MTHFD2L: variants seen among roughly 807,000 people sequenced by gnomAD.
MTHFD2L encodes methylenetetrahydrofolate dehydrogenase (NADP+ dependent) 2 like, also known as bifunctional methylenetetrahydrofolate dehydrogenase/cyclohydrolase 2, mitochondrial.
In MTHFD2L, 29 loss-of-function variants were observed where a neutral mutation model predicts 34.9. The ratio of observed to expected loss-of-function variants is 0.83; its 90% CI spans 0.62 to 1.13. The LOEUF is 1.13. MTHFD2L is among the 50% of genes most tolerant of loss of function. MTHFD2L has a pLI of 0.00. For missense variants in MTHFD2L, 481 were observed against 446.5 expected, an observed-to-expected ratio of 1.08 and a Z score of -0.70; for synonymous variants, 167 against 155.7, an observed-to-expected ratio of 1.07 and a Z score of -0.54.
intron 5 of MTHFD2L, among the ~76,000 whole-genome samples, chr4:74,217,521 T>G (rs941261747): frequency 6.6e-6 from 1 of 151,818 alleles, no homozygotes. Flanking sequence ...ATTTCTCCTT[T>G]AAACCACACC....
chr4:74,245,240 T>A (rs2110181116), intron 6 of MTHFD2L, among the ~76,000 whole-genome samples: 1 of 150,752 alleles, frequency 6.6e-6, no homozygotes, highest in African/African-American at 2.4e-5. Context: ...GTCTTTCTGT[T>A]AGGTTGGACC....
intron 1 of MTHFD2L, among the ~76,000 whole-genome samples, chr4:74,145,823 C>A (rs562480807): frequency 1.3e-5 from 2 of 152,246 alleles, no homozygotes; most frequent in African/African-American, 2.4e-5. Context: ...TGAAAGTTTG[C>A]AGCACCTTTT....
chr4:74,295,819 C>T lies in MTHFD2L; in HGVS notation c.932-5878C>T, dbSNP rs1311211365. Among the ~76,000 whole-genome samples the T allele has an allele frequency of 7.2e-5, 11 of 152,004 alleles. 1 individual carries two copies. Among genetic ancestry groups the T allele is most frequent in the East Asian group, 1.9e-4 (1 of 5,184 alleles). ...TTTCTACCTGAGGGAAGCTTCTTGCCACCTTTATCACATTGTCTCCCCTAC... is the reference window on the plus strand; with the variant it reads ...TTTCTACCTGAGGGAAGCTTCTTGCTACCTTTATCACATTGTCTCCCCTAC... On this transcript the variant is annotated intron_variant, in intron 7 of 7. Coordinates refer to ENST00000325278, the MANE Select transcript of MTHFD2L (RefSeq NM_001144978.3).
At chr4:74,248,317 A>G (rs997204852) in intron 6 of MTHFD2L, among the ~76,000 whole-genome samples, 4 of 152,136 alleles carry the variant, frequency 2.6e-5, no homozygotes, top group African/African-American at 7.2e-5. Flanking sequence ...CTGTGGGATC[A>G]GTGGTGATAT....
chr4:74,232,301 C>G (rs1371297631), intron 6 of MTHFD2L, among the ~76,000 whole-genome samples: 1 of 152,062 alleles, frequency 6.6e-6, no homozygotes, highest in South Asian at 2.1e-4. Flanking sequence ...TTATGTTGTT[C>G]CCTGGATGAA....
In MTHFD2L at chr4:74,201,129, CATATT is replaced by C. The variant is rs371918874; in HGVS notation, c.605-130_605-126del. 1,727 of 594,742 alleles carry C rather than the reference CATATT, an allele frequency of 2.9e-3. 28 individuals are homozygous for C. In the African/African-American group the frequency reaches 0.029, roughly 10 times the overall value. The allele number at this position is 594,742 out of a possible 1,614,324, so 36.8% of individuals were successfully genotyped here. On this transcript the variant is annotated intron_variant, in intron 4 of 7. Transcript: ENST00000325278. ...ATTATTTATAAATAATGAATGTGCT[CATATT>C]ATAGATAAGCCACATAATAATTCAG...
intron 7 of MTHFD2L, among the ~76,000 whole-genome samples, chr4:74,293,048 G>A (rs1241935722): frequency 6.6e-6 from 1 of 151,476 alleles, no homozygotes; most frequent in East Asian, 1.9e-4. Flanking sequence ...TTTTGAATAG[G>A]TTTTTAAATT....
chr4:74,241,669 C>A, intron 6 of MTHFD2L: 1 of 382,902 alleles, frequency 2.6e-6, no homozygotes, highest in Non-Finnish European at 5.2e-6. Flanking sequence ...TGAGCCACCA[C>A]ACCCGGCACT....
At chr4:74,200,003 G>T (rs919191107) in intron 4 of MTHFD2L, 57 bp downstream of exon 4, 11 of 1,553,356 alleles carry the variant, frequency 7.1e-6, no homozygotes, top group African/African-American at 1.4e-5. Flanking sequence ...GAGCCTTTGT[G>T]CACTGAGACT....
At chr4:74,242,854 A>G (rs1246594) in intron 6 of MTHFD2L, among the ~76,000 whole-genome samples, 29,674 of 152,166 alleles carry the variant, frequency 0.2, 2,918 homozygotes, top group Non-Finnish European at 0.21. Flanking sequence ...GAAAGGGCAT[A>G]TTTAAAGAAA....
intron 5 of MTHFD2L, among the ~76,000 whole-genome samples, chr4:74,217,617 A>T (rs892807022): frequency 6.6e-6 from 1 of 151,736 alleles, no homozygotes; most frequent in South Asian, 2.1e-4. Context: ...GTGAGGTTCT[A>T]GCTCAGATTG....
chr4:74,153,835 C>T (rs1175792956), upstream of MTHFD2L, among the ~76,000 whole-genome samples: 5 of 152,146 alleles, frequency 3.3e-5, no homozygotes, highest in African/African-American at 1.2e-4. Context: ...ATATGTCACA[C>T]ATCTAGTTTT....
chr4:74,288,031 C>T (rs1748415194), intron 7 of MTHFD2L, among the ~76,000 whole-genome samples: 2 of 152,192 alleles, frequency 1.3e-5, no homozygotes, highest in African/African-American at 4.8e-5. Context: ...CCTGTGTCTT[C>T]TCATTGTCTT....
At position 74,125,750 on chromosome 4, in the gene MTHFD2L, T is replaced by G. The variant is rs144027161; in HGVS notation, c.-297+233T>G. Among the ~76,000 whole-genome samples the G allele has an allele frequency of 1.8e-3, 276 of 152,116 alleles. 1 individual carries two copies. Among genetic ancestry groups the G allele is most frequent in the African/African-American group, 6.6e-3 (272 of 41,498 alleles). On this transcript the variant is annotated intron_variant, in intron 1 of 7. Coordinates refer to the MTHFD2L transcript ENST00000433372. ...GAGCAATATAGCAAACCTCAAAGAGTATTGATTTCTCAAAACAAAAGCATA... is the reference window on the plus strand; with the variant it reads ...GAGCAATATAGCAAACCTCAAAGAGGATTGATTTCTCAAAACAAAAGCATA...
intron 5 of MTHFD2L, among the ~76,000 whole-genome samples, chr4:74,213,852 A>C (rs1736746518): frequency 6.6e-6 from 1 of 152,106 alleles, no homozygotes; most frequent in African/African-American, 2.4e-5. Context: ...CCAGTCAAAC[A>C]TAGGTTTTGG....
rs186723889 is a variant in MTHFD2L at position 74,247,662 on chromosome 4, C to A, written c.805+22268C>A. Among the ~76,000 whole-genome samples, 390 of 152,196 alleles carry A rather than the reference C, an allele frequency of 2.6e-3. 1 individual carries two copies. Among genetic ancestry groups the A allele is most frequent in the African/African-American group, 8.9e-3 (371 of 41,526 alleles). On this transcript the variant is annotated intron_variant, in intron 6 of 7. Transcript: ENST00000325278. ...ATTTTGAGATACGTCCCATCAATACCTAATTTATTGAGAGTTTTTAGCATG... is the reference window on the plus strand; with the variant it reads ...ATTTTGAGATACGTCCCATCAATACATAATTTATTGAGAGTTTTTAGCATG...
chr4:74,233,442 G>A (rs141778771), intron 6 of MTHFD2L, among the ~76,000 whole-genome samples: 2,637 of 152,160 alleles, frequency 0.017, 38 homozygotes, highest in Non-Finnish European at 0.026. Context: ...AGTAATACTA[G>A]TGTTTATAAA....
intron 1 of MTHFD2L, 94 bp downstream of exon 1, chr4:74,158,375 G>C (rs1724636608): frequency 2.2e-5 from 21 of 944,114 alleles, no homozygotes; most frequent in Non-Finnish European, 2.6e-5. Flanking sequence ...CCCAAGGCTC[G>C]TGGGCGGCCG....
intron 5 of MTHFD2L, chr4:74,224,198 T>A (rs1311533840): frequency 6.6e-6 from 1 of 152,148 alleles, no homozygotes; most frequent in Non-Finnish European, 1.5e-5. Context: ...GGAAGGCTCT[T>A]CTGCCTTTAT....
Sources: gnomAD v4.1 joint callset for allele counts (sites outside exome capture counted in the v4.1 genomes callset) on GRCh38, gnomAD v4.1.1 for gene constraint, MANE v1.5 for transcripts, NCBI Gene and HGNC (gene_info 2026-07-23, HGNC 2026-07-21) for gene names.